MAPK10: variants seen among roughly 807,000 people sequenced by gnomAD.
The protein encoded by MAPK10 is JNK3 alpha protein kinase.
MAPK10 carries 25 observed loss-of-function variants against 59.3 expected under a neutral mutation model. The ratio of observed to expected loss-of-function variants is 0.42; its 90% CI spans 0.31 to 0.59. The LOEUF (loss-of-function observed/expected upper bound fraction) is 0.59, where lower values mean the gene tolerates loss of function less well. Among genes scored for constraint, MAPK10 ranks in the 20% least tolerant of loss-of-function variants. MAPK10 has a pLI of 0.15. For synonymous variants in MAPK10, 190 were observed against 200.5 expected (o/e 0.95, Z 0.44); for missense variants, 351 against 568.9 (o/e 0.62, Z 3.90).
chr4:86,048,364 G>A (rs1318315776), intron 11 of MAPK10, among the ~76,000 whole-genome samples: 1 of 152,110 alleles, frequency 6.6e-6, no homozygotes, highest in Non-Finnish European at 1.5e-5. Flanking sequence ...AAAATTCTGA[G>A]AAGCAGTAGC....
intron 1 of MAPK10, among the ~76,000 whole-genome samples, chr4:86,382,774 G>T (rs1311593281): frequency 6.6e-6 from 1 of 152,118 alleles, no homozygotes; most frequent in Non-Finnish European, 1.5e-5. Flanking sequence ...ATGAATGTTA[G>T]AGAACCTCTG....
chr4:86,410,060 T>G (rs944352357), intron 1 of MAPK10, among the ~76,000 whole-genome samples: 1 of 152,226 alleles, frequency 6.6e-6, no homozygotes, highest in African/African-American at 2.4e-5. Flanking sequence ...GCTCTTATTA[T>G]TTTGAGATAA....
At chr4:86,040,249 T>C (rs745764355) in intron 11 of MAPK10, among the ~76,000 whole-genome samples, 17 of 152,012 alleles carry the variant, frequency 1.1e-4, no homozygotes, top group Non-Finnish European at 2.2e-4. Flanking sequence ...TCAAAAAAAT[T>C]ACAGGGAAAC....
chr4:86,168,770 C>A (rs1210541555), intron 3 of MAPK10, among the ~76,000 whole-genome samples: 1 of 152,190 alleles, frequency 6.6e-6, no homozygotes, highest in Non-Finnish European at 1.5e-5. Context: ...TCAAGTGGGT[C>A]CCTGACCCCT....
chr4:86,210,650 C>T (rs562092106), intron 2 of MAPK10, among the ~76,000 whole-genome samples: 22 of 151,380 alleles, frequency 1.5e-4, no homozygotes, highest in African/African-American at 4.6e-4. Flanking sequence ...AAATTAAAAA[C>T]TTTAAAAGGA....
intron 2 of MAPK10, among the ~76,000 whole-genome samples, chr4:86,313,153 A>G (rs922315325): frequency 6.6e-5 from 10 of 152,140 alleles, no homozygotes; most frequent in African/African-American, 1.7e-4. Flanking sequence ...TGCCACTGCA[A>G]TGCAGTGAGG....
intron 1 of MAPK10, among the ~76,000 whole-genome samples, chr4:86,414,656 G>A (rs1745633088): frequency 6.6e-6 from 1 of 152,136 alleles, no homozygotes; most frequent in African/African-American, 2.4e-5. Flanking sequence ...TATTTGGCCA[G>A]TCTGTGCTAG....
At chr4:86,144,951 A>C (rs2064528592) in intron 4 of MAPK10, among the ~76,000 whole-genome samples, 1 of 152,142 alleles carries the variant, frequency 6.6e-6, no homozygotes, top group African/African-American at 2.4e-5. Context: ...ACAGTAGCTA[A>C]GTCTAAGTTT....
In MAPK10 at chr4:86,480,138, TA is replaced by T. The variant is rs1753481598; in HGVS notation, c.-263+113771del. On this transcript the variant is annotated intron_variant, in intron 1 of 4. Transcript: ENST00000502302. Reference sequence around the variant, plus strand: ...ACGTATACACCTAGATGGCCTGAAGTAACTGAAGAATCACAAAAGAAGTGAT... The same window carrying T: ...ACGTATACACCTAGATGGCCTGAAGTACTGAAGAATCACAAAAGAAGTGAT... Among the ~76,000 whole-genome samples, 5 of 152,140 alleles carry T rather than the reference TA, an allele frequency of 3.3e-5. No individual in the cohort carries two copies. The South Asian group carries it at 1.0e-3, about 31-fold the overall frequency.
chr4:86,471,889 G>C (rs896734799), intron 1 of MAPK10, among the ~76,000 whole-genome samples: 8 of 151,986 alleles, frequency 5.3e-5, no homozygotes, highest in African/African-American at 1.7e-4. Context: ...GAAACTCAGC[G>C]TAACCCAAAA....
At chr4:86,257,165 C>A (rs2093779209) in intron 2 of MAPK10, among the ~76,000 whole-genome samples, 1 of 152,106 alleles carries the variant, frequency 6.6e-6, no homozygotes, top group Non-Finnish European at 1.5e-5. Context: ...ATATCTCCAA[C>A]CATAAATGAC....
intron 1 of MAPK10, among the ~76,000 whole-genome samples, chr4:86,561,786 CAA>C (rs1760701031): frequency 6.6e-6 from 1 of 152,184 alleles, no homozygotes; most frequent in East Asian, 1.9e-4. Context: ...ATTGGGGAGA[CAA>C]GAAGCAGACA....
chr4:86,107,648 A>G (rs915310641), intron 4 of MAPK10: 4 of 1,021,846 alleles, frequency 3.9e-6, no homozygotes, highest in African/African-American at 1.7e-5. Flanking sequence ...AATATAGCAT[A>G]TAATTGCCTC....
intron 5 of MAPK10, among the ~76,000 whole-genome samples, chr4:86,103,952 A>G (rs899427963): frequency 4.6e-5 from 7 of 152,090 alleles, no homozygotes; most frequent in African/African-American, 1.7e-4. Flanking sequence ...TCAATAACTC[A>G]AAATGTTCTT....
intron 1 of MAPK10, among the ~76,000 whole-genome samples, chr4:86,394,301 T>C (rs1742633710): frequency 6.6e-6 from 1 of 151,804 alleles, no homozygotes; most frequent in African/African-American, 2.4e-5. Context: ...GAAAGAAGAA[T>C]TGATAATACT....
intron 1 of MAPK10, among the ~76,000 whole-genome samples, chr4:86,485,328 T>A (rs1753906593): frequency 6.6e-6 from 1 of 152,194 alleles, no homozygotes; most frequent in Admixed American, 6.6e-5. Context: ...ATGTTTAAAA[T>A]TTTTTAAATA....
rs67303972 is a variant in MAPK10, at chr4:86,581,899, T to TTATA, written c.-263+12007_-263+12010dup. ...AGTAAAACACTTTAAGCTATATATATTATATATATATATATATATATATAT... is the reference window on the plus strand; with the variant it reads ...AGTAAAACACTTTAAGCTATATATATTATATATATATATATATATATATATATAT... On this transcript the variant is annotated intron_variant, in intron 1 of 4. Coordinates refer to the MAPK10 transcript ENST00000502302. Among the ~76,000 whole-genome samples the TTATA allele has an allele frequency of 1.1e-3, 99 of 91,552 alleles. 2 individuals are homozygous for TTATA. Among genetic ancestry groups the TTATA allele is most frequent in the Middle Eastern group, 5.4e-3 (1 of 184 alleles). The allele number at this position is 91,552 out of a possible 152,430, so 60.1% of individuals were successfully genotyped here. A position where few individuals can be genotyped will look rare whatever the true frequency, so the allele number is the denominator to read the frequency against.
At chr4:86,197,010 T>C (rs927488875) in intron 2 of MAPK10, among the ~76,000 whole-genome samples, 57 of 152,190 alleles carry the variant, frequency 3.7e-4, no homozygotes, top group Non-Finnish European at 1.9e-4. Context: ...TCCAGCATTG[T>C]TCTTTTTGCT....
chr4:86,069,741 A>G (rs540019458), intron 9 of MAPK10, among the ~76,000 whole-genome samples: 29 of 152,168 alleles, frequency 1.9e-4, no homozygotes, highest in African/African-American at 6.7e-4. Flanking sequence ...AATTCTAACC[A>G]CTCGATGTCA....
Sources: gnomAD v4.1 joint callset for allele counts (sites outside exome capture counted in the v4.1 genomes callset) on GRCh38, gnomAD v4.1.1 for gene constraint, MANE v1.5 for transcripts, NCBI Gene and HGNC (gene_info 2026-07-23, HGNC 2026-07-21) for gene names.